Variants in TLN2 observed in about 807,000 individuals in gnomAD.
TLN2 encodes the protein talin 2.
A neutral mutation model predicts 294.7 loss-of-function variants in TLN2; 118 were observed. The ratio of observed to expected loss-of-function variants is 0.40; its 90% confidence interval spans 0.34 to 0.47. The LOEUF (loss-of-function observed/expected upper bound fraction) is 0.47, where lower values mean the gene tolerates loss of function less well. Among genes scored for constraint, TLN2 ranks in the 20% least tolerant of loss-of-function variants. The pLI, the probability that TLN2 is intolerant of heterozygous loss-of-function variation, is 0.84. For synonymous variants in TLN2, 1,431 were observed against 1,304.5 expected (o/e 1.10, Z -2.09); for missense variants, 3,083 against 3,282.2 (o/e 0.94, Z 1.48).
chr15:62,833,823 G>A (rs2069145807), intron 55 of TLN2, 194 bp downstream of exon 55: 2 of 683,052 alleles, frequency 2.9e-6, no homozygotes, highest in East Asian at 6.1e-5. Flanking sequence ...TTTGGCTTCT[G>A]GGCCTCTCAT....
Position 62,842,328 on chromosome 15 carries a change from C to T in TLN2, c.*1718C>T, listed in dbSNP as rs2070790795. 1 of 152,202 alleles carries T rather than the reference C, an allele frequency of 6.6e-6. No homozygotes were observed. Among genetic ancestry groups the T allele is most frequent in the African/African-American group, 2.4e-5 (1 of 41,398 alleles). 9.4% of individuals were successfully genotyped at this position (152,202 alleles called of 1,614,324 possible). ...TGAAGAGGAGGGGAGCTGCTGGAGCCCTAGCCTGTTGGGGAAAAGCTGGCA... is the reference window on the plus strand; with the variant it reads ...TGAAGAGGAGGGGAGCTGCTGGAGCTCTAGCCTGTTGGGGAAAAGCTGGCA... On this transcript the variant is annotated 3_prime_UTR_variant, in exon 59 of 59. Transcript: ENST00000636159.
intron 1 of TLN2, among the ~76,000 whole-genome samples, chr15:62,581,903 G>A (rs566178320): frequency 3.1e-4 from 47 of 151,954 alleles, no homozygotes; most frequent in Non-Finnish European, 6.5e-4. Flanking sequence ...AATTAGCCGG[G>A]CGTAGTGGTA....
chr15:62,395,671 A>T (rs947649325), intron 1 of TLN2, among the ~76,000 whole-genome samples: 2 of 152,198 alleles, frequency 1.3e-5, no homozygotes, highest in Non-Finnish European at 2.9e-5. Context: ...TCAGTAAATA[A>T]ACCAGAAGCA....
At chr15:62,566,423 G>A (rs1286127523) in intron 1 of TLN2, among the ~76,000 whole-genome samples, 2 of 152,092 alleles carry the variant, frequency 1.3e-5, no homozygotes, top group Non-Finnish European at 2.9e-5. Context: ...ACCCACGTGT[G>A]TAAGAACACT....
chr15:62,506,863 C>T (rs548903624), intron 1 of TLN2, among the ~76,000 whole-genome samples: 18 of 152,330 alleles, frequency 1.2e-4, no homozygotes, highest in Middle Eastern at 3.4e-3. Context: ...AGAAATTTTA[C>T]CAGGAAAGCA....
intron 11 of TLN2, among the ~76,000 whole-genome samples, chr15:62,676,397 C>T (rs2056194933): frequency 6.6e-6 from 1 of 152,178 alleles, no homozygotes; most frequent in South Asian, 2.1e-4. Context: ...CATCAGTCAC[C>T]TTGTTTTTAA....
In TLN2 at chr15:62,650,104, C is replaced by T. The variant is rs1160668837; in HGVS notation, c.157C>T (p.Leu53Phe). The change falls in exon 5 of 59, where the codon CTT becomes TTT. Residue 53 changes from leucine (L) to phenylalanine (F), a missense_variant. Coordinates refer to ENST00000636159, the MANE Select transcript of TLN2 (RefSeq NM_015059.3). ...TTCAGCTTCTGACTATGGACTCTTT[C>T]TTTCGGATGAAGACCCGAGGAAAGG... ...TGQASDYGLFLSDEDPRKGIW... is the reference protein window; with the variant it reads ...TGQASDYGLFFSDEDPRKGIW... The T allele has an allele frequency of 3.1e-6, 5 of 1,614,156 alleles. No individual in the cohort carries two copies. Among genetic ancestry groups the T allele is most frequent in the Non-Finnish European group, 4.2e-6 (5 of 1,180,020 alleles).
chr15:62,515,409 A>G (rs1250617552), intron 1 of TLN2, among the ~76,000 whole-genome samples: 2 of 152,212 alleles, frequency 1.3e-5, no homozygotes, highest in Non-Finnish European at 2.9e-5. Context: ...TGGCTACTCC[A>G]AAGAGCCAGC....
At chr15:62,753,507 C>G (rs2062051105) in intron 35 of TLN2, among the ~76,000 whole-genome samples, 1 of 152,148 alleles carries the variant, frequency 6.6e-6, no homozygotes, top group Non-Finnish European at 1.5e-5. Context: ...ATCCATGCCC[C>G]CAAAGAAGAA....
intron 1 of TLN2, among the ~76,000 whole-genome samples, chr15:62,557,637 G>C (rs2042681678): frequency 6.6e-6 from 1 of 152,046 alleles, no homozygotes; most frequent in Admixed American, 6.5e-5. Context: ...CACCTCCCGG[G>C]CTCAAGTGAT....
At chr15:62,445,689 G>T (rs149142081) in intron 1 of TLN2, among the ~76,000 whole-genome samples, 1 of 151,900 alleles carries the variant, frequency 6.6e-6, no homozygotes, top group South Asian at 2.1e-4. Flanking sequence ...GGGGAGACAG[G>T]GTCTTGCTCT....
chr15:62,487,509 G>A (rs1009314303), intron 1 of TLN2, among the ~76,000 whole-genome samples: 4 of 152,084 alleles, frequency 2.6e-5, no homozygotes, highest in African/African-American at 7.2e-5. Context: ...TTGCTGACCC[G>A]CAGACCTATT....
chr15:62,607,789 C>G (rs1377755029), intron 2 of TLN2, among the ~76,000 whole-genome samples: 1 of 152,164 alleles, frequency 6.6e-6, no homozygotes, highest in Non-Finnish European at 1.5e-5. Flanking sequence ...ACATACACCT[C>G]TCTTTCTGAG....
chr15:62,484,587 G>A (rs896858338), intron 1 of TLN2, among the ~76,000 whole-genome samples: 16 of 152,006 alleles, frequency 1.1e-4, no homozygotes, highest in Non-Finnish European at 1.0e-4. Flanking sequence ...CACCACGCCC[G>A]GCTAATTTTA....
At chr15:62,649,481 G>A (rs542834177) in intron 4 of TLN2, among the ~76,000 whole-genome samples, 19 of 152,194 alleles carry the variant, frequency 1.2e-4, no homozygotes, top group African/African-American at 2.9e-4. Flanking sequence ...CACCCCCTTC[G>A]TACTTCCTAT....
At chr15:62,608,762 G>A (rs1232053751) in intron 2 of TLN2, among the ~76,000 whole-genome samples, 2 of 152,084 alleles carry the variant, frequency 1.3e-5, no homozygotes, top group African/African-American at 4.8e-5. Flanking sequence ...GGGGTGCAAG[G>A]GAGAGATCTG....
At chr15:62,399,324 A>G (rs367880318) in intron 1 of TLN2, among the ~76,000 whole-genome samples, 35 of 147,580 alleles carry the variant, frequency 2.4e-4, no homozygotes, top group African/African-American at 8.4e-4. Context: ...AGTTTGCTGC[A>G]GGAGCGGAGC....
At chr15:62,428,663 A>G (rs955667497) in intron 1 of TLN2, among the ~76,000 whole-genome samples, 2 of 152,200 alleles carry the variant, frequency 1.3e-5, no homozygotes, top group Non-Finnish European at 2.9e-5. Context: ...TTTTGAGAAG[A>G]GGAAAAGCTC....
intron 1 of TLN2, among the ~76,000 whole-genome samples, chr15:62,533,998 G>A (rs17738626): frequency 0.083 from 12,621 of 152,170 alleles, 616 homozygotes; most frequent in Non-Finnish European, 0.11. Flanking sequence ...GGGTTACTCC[G>A]GTGCTTCCAA....
Sources: allele counts gnomAD v4.1 joint callset (sites outside exome capture counted in the v4.1 genomes callset), GRCh38; gene constraint gnomAD v4.1.1; transcripts MANE v1.5; gene names NCBI Gene and HGNC (gene_info 2026-07-23, HGNC 2026-07-21).